The following ANKRD6 variants were observed in gnomAD, a reference collection of about 807,000 sequenced individuals.
ANKRD6 encodes ankyrin repeat domain 6.
Under a neutral mutation model 82.3 loss-of-function variants are expected in ANKRD6, and 56 were observed. The ratio of observed to expected loss-of-function variants is 0.68; its 90% CI spans 0.55 to 0.85. The LOEUF (loss-of-function observed/expected upper bound fraction) is 0.85. Ranked by LOEUF, ANKRD6 falls within the 40% of genes least tolerant of loss-of-function variation. The pLI, the probability that ANKRD6 is intolerant of heterozygous loss-of-function variation, is 0.00. For synonymous variants in ANKRD6, 347 were observed against 352.1 expected (o/e 0.99, Z 0.16); for missense variants, 852 against 907.6 (o/e 0.94, Z 0.79).
intron 7 of ANKRD6, among the ~76,000 whole-genome samples, chr6:89,614,846 A>AC (rs1226038029): frequency 4.6e-4 from 68 of 147,434 alleles, no homozygotes; most frequent in Middle Eastern, 7.0e-3. Flanking sequence ...AGGAAAAAAA[A>AC]AAAAACAAAA....
At chr6:89,497,931 T>A (rs1188979770) in intron 1 of ANKRD6, among the ~76,000 whole-genome samples, 1 of 152,222 alleles carries the variant, frequency 6.6e-6, no homozygotes, top group Non-Finnish European at 1.5e-5. Context: ...CTCCATAAAT[T>A]TGCCTTTTCT....
intron 5 of ANKRD6, among the ~76,000 whole-genome samples, chr6:89,610,516 G>T (rs1330419197): frequency 6.6e-6 from 1 of 151,922 alleles, no homozygotes; most frequent in Admixed American, 6.6e-5. Flanking sequence ...AATTTTCTTG[G>T]TGCAAATGCT....
intron 2 of ANKRD6, among the ~76,000 whole-genome samples, chr6:89,581,939 C>T (rs766312206): frequency 1.2e-4 from 19 of 152,256 alleles, no homozygotes; most frequent in Non-Finnish European, 2.5e-4. Context: ...TGAGGGTATA[C>T]GGTTACATGG....
chr6:89,621,369 G>C (rs1019430609), intron 9 of ANKRD6: 25 of 159,200 alleles, frequency 1.6e-4, no homozygotes, highest in Non-Finnish European at 2.8e-5. Context: ...CAGAGTAAAT[G>C]CTTCCTTTTG....
intron 1 of ANKRD6, chr6:89,561,260 GAC>G (rs1787371357): frequency 6.6e-6 from 1 of 152,206 alleles, no homozygotes; most frequent in African/African-American, 2.4e-5. Flanking sequence ...AAGATTCAGT[GAC>G]AGAGTTAGAA....
intron 1 of ANKRD6, among the ~76,000 whole-genome samples, chr6:89,468,598 TAAAAAAAAAAAA>T (rs60606383): frequency 1.9e-5 from 1 of 53,842 alleles, no homozygotes; most frequent in Non-Finnish European, 3.2e-5. Context: ...GTTGATGAGC[TAAAAAAAAAAAA>T]AAAAAAAAAA....
At chr6:89,595,635 G>T (rs1363314704) in intron 2 of ANKRD6, among the ~76,000 whole-genome samples, 5 of 152,144 alleles carry the variant, frequency 3.3e-5, no homozygotes, top group African/African-American at 7.2e-5. Context: ...CCCTCGTTTT[G>T]CTACTTGATA....
At chr6:89,442,192 C>T (rs1473315119) in intron 1 of ANKRD6, among the ~76,000 whole-genome samples, 6 of 151,906 alleles carry the variant, frequency 3.9e-5, no homozygotes, top group African/African-American at 7.3e-5. Context: ...GACGGGGTTT[C>T]GCCATGTTCC....
rs1315730304 is a variant in ANKRD6, at chr6:89,633,704, A to G, written c.*2700A>G. ...TGGTTATGCCTTGTTTGTGGAGTCA[A>G]GTGTTGATATACTTGAGGCATGTTA... On this transcript the variant is annotated 3_prime_UTR_variant, in exon 16 of 16. Coordinates refer to ENST00000339746, the MANE Select transcript of ANKRD6 (RefSeq NM_001242809.2). 6.6e-6 allele frequency: 1 copy of G among 152,216 alleles called. No individual in the cohort carries two copies. The highest frequency in any genetic ancestry group is 6.5e-5 in the Admixed American group (1 of 15,278). The allele number at this position is 152,216 out of a possible 1,614,324, so 9.4% of individuals were successfully genotyped here.
rs1452111150 is a variant in ANKRD6, at chr6:89,592,295, G to A, written c.121-3621G>A. On this transcript the variant is annotated intron_variant, in intron 2 of 15. Coordinates refer to ENST00000339746, the MANE Select transcript of ANKRD6 (RefSeq NM_001242809.2). ...GAGTGGTTGGGGTGTCCTCTGGGGTGGGGGCTAAGGACAGCTGGAGGGAAG... is the reference window on the plus strand; with the variant it reads ...GAGTGGTTGGGGTGTCCTCTGGGGTAGGGGCTAAGGACAGCTGGAGGGAAG... Among the ~76,000 whole-genome samples, 13 of 152,208 alleles carry A rather than the reference G, an allele frequency of 8.5e-5. No individual in the cohort carries two copies. The South Asian group carries it at 2.7e-3, about 32-fold the overall frequency.
intron 1 of ANKRD6, among the ~76,000 whole-genome samples, chr6:89,509,620 C>T (rs1297961608): frequency 6.6e-6 from 1 of 152,158 alleles, no homozygotes; most frequent in Non-Finnish European, 1.5e-5. Context: ...TAAAACATTG[C>T]CTTTATTTTT....
intron 1 of ANKRD6, among the ~76,000 whole-genome samples, chr6:89,445,557 C>T (rs1157631470): frequency 1.3e-5 from 2 of 152,170 alleles, no homozygotes; most frequent in Non-Finnish European, 2.9e-5. Context: ...AGTGGTTCCC[C>T]TCCCTCAGCC....
chr6:89,474,330 A>C (rs1160206327), intron 1 of ANKRD6, among the ~76,000 whole-genome samples: 1 of 152,186 alleles, frequency 6.6e-6, no homozygotes, highest in African/African-American at 2.4e-5. Flanking sequence ...TGTAGCTGTC[A>C]TTAGCTTGAG....
At chr6:89,613,956 TAGTGCA>T in intron 7 of ANKRD6, 66 bp downstream of exon 7, 1 of 1,533,822 alleles carries the variant, frequency 6.5e-7, no homozygotes, top group African/African-American at 1.4e-5. Flanking sequence ...ACAGGTCTGT[TAGTGCA>T]AACGGGAGCA....
At chr6:89,571,332 C>T (rs544388380) in intron 2 of ANKRD6, among the ~76,000 whole-genome samples, 34 of 152,200 alleles carry the variant, frequency 2.2e-4, no homozygotes, top group African/African-American at 7.7e-4. Flanking sequence ...ACTATTTTTA[C>T]TGACCTTCCT....
At chr6:89,622,072 AG>A (rs763312907) in intron 10 of ANKRD6, 46 bp downstream of exon 10, 1 of 1,558,346 alleles carries the variant, frequency 6.4e-7, no homozygotes, top group Non-Finnish European at 8.8e-7. Flanking sequence ...CCATGCTCAG[AG>A]GGTGGGAAAC....
chr6:89,461,103 A>G (rs918756860), intron 1 of ANKRD6, among the ~76,000 whole-genome samples: 2 of 151,926 alleles, frequency 1.3e-5, no homozygotes, highest in Admixed American at 1.3e-4. Context: ...TGGTAGAGAC[A>G]GGGTTTTGCC....
intron 1 of ANKRD6, among the ~76,000 whole-genome samples, chr6:89,554,802 C>T (rs1223322329): frequency 6.6e-6 from 1 of 152,174 alleles, no homozygotes; most frequent in African/African-American, 2.4e-5. Context: ...TTCAGTCTCT[C>T]ATGGTCCAGT....
intron 1 of ANKRD6, among the ~76,000 whole-genome samples, chr6:89,537,375 A>G (rs1406764141): frequency 1.3e-5 from 2 of 152,098 alleles, no homozygotes; most frequent in Non-Finnish European, 2.9e-5. Flanking sequence ...ACACCCCACA[A>G]GGTTTTTAGA....
Sources: allele counts gnomAD v4.1 joint callset (sites outside exome capture counted in the v4.1 genomes callset), GRCh38; gene constraint gnomAD v4.1.1; transcripts MANE v1.5; gene names NCBI Gene and HGNC (gene_info 2026-07-23, HGNC 2026-07-21).